Variants in ADAMTS3 observed in about 807,000 individuals in gnomAD.
The protein encoded by ADAMTS3 is ADAM metallopeptidase with thrombospondin type 1 motif 3.
A neutral mutation model predicts 129.0 loss-of-function variants in ADAMTS3; 73 were observed. The observed-to-expected ratio is 0.57, with a 90% CI of 0.47 to 0.69. The LOEUF (loss-of-function observed/expected upper bound fraction) is 0.69. Among genes scored for constraint, ADAMTS3 ranks in the 30% least tolerant of loss-of-function variants. ADAMTS3 has a pLI of 0.00. For synonymous variants in ADAMTS3, 477 were observed against 510.8 expected (o/e 0.93, Z 0.89); for missense variants, 1,457 against 1,514.5 (o/e 0.96, Z 0.63).
At chr4:72,521,431 G>C (rs560390319) in intron 3 of ADAMTS3, among the ~76,000 whole-genome samples, 1 of 152,196 alleles carries the variant, frequency 6.6e-6, no homozygotes, top group East Asian at 1.9e-4. Flanking sequence ...GGGATCTTTT[G>C]AAATCAGTTT....
intron 3 of ADAMTS3, among the ~76,000 whole-genome samples, chr4:72,495,840 T>C (rs2110018891): frequency 6.6e-6 from 1 of 152,306 alleles, no homozygotes; most frequent in South Asian, 2.1e-4. Flanking sequence ...AGAACCATAA[T>C]ACAAACCTAC....
chr4:72,401,492 G>C (rs909579951), intron 4 of ADAMTS3, among the ~76,000 whole-genome samples: 8 of 150,114 alleles, frequency 5.3e-5, no homozygotes, highest in East Asian at 2.0e-4. Flanking sequence ...ACTTGAACTG[G>C]GGGGGTGGAG....
chr4:72,553,090 G>A (rs1721683264), intron 2 of ADAMTS3, among the ~76,000 whole-genome samples: 1 of 35,428 alleles, frequency 2.8e-5, no homozygotes, highest in South Asian at 5.1e-4. Context: ...GAGTCGGAAG[G>A]GGTATGTGAA....
At chr4:72,394,794 C>A (rs775853118) in intron 4 of ADAMTS3, among the ~76,000 whole-genome samples, 14 of 152,142 alleles carry the variant, frequency 9.2e-5, no homozygotes, top group Non-Finnish European at 1.3e-4. Context: ...AAAAGTTATG[C>A]TTTTGAAATT....
chr4:72,539,491 G>A (rs950640497), intron 3 of ADAMTS3, among the ~76,000 whole-genome samples: 650 of 86,480 alleles, frequency 7.5e-3, no homozygotes, highest in East Asian at 0.014. Flanking sequence ...GCTACTATCA[G>A]AAAAAAAAAA....
chr4:72,342,236 A>G (rs1207177418), intron 4 of ADAMTS3, among the ~76,000 whole-genome samples: 3 of 152,152 alleles, frequency 2.0e-5, no homozygotes, highest in South Asian at 2.1e-4. Flanking sequence ...CCTTTGTAAA[A>G]CTAATGAAAG....
At chr4:72,381,114 T>C (rs1048541624) in intron 4 of ADAMTS3, among the ~76,000 whole-genome samples, 2 of 152,132 alleles carry the variant, frequency 1.3e-5, no homozygotes, top group East Asian at 1.9e-4. Flanking sequence ...ATTTTTAGTA[T>C]TTGTGACAAG....
intron 3 of ADAMTS3, among the ~76,000 whole-genome samples, chr4:72,502,913 G>A (rs565444063): frequency 1.3e-5 from 2 of 151,962 alleles, no homozygotes; most frequent in Admixed American, 1.3e-4. Flanking sequence ...TGTTCCCCTC[G>A]GTAAGTGTTT....
At chr4:72,491,560 T>A (rs1719745114) in intron 3 of ADAMTS3, among the ~76,000 whole-genome samples, 1 of 151,754 alleles carries the variant, frequency 6.6e-6, no homozygotes, top group Non-Finnish European at 1.5e-5. Context: ...AATGATGTTA[T>A]TTTTGTCTTT....
chr4:72,432,049 G>A (rs1722713082), intron 3 of ADAMTS3, among the ~76,000 whole-genome samples: 1 of 151,944 alleles, frequency 6.6e-6, no homozygotes, highest in Non-Finnish European at 1.5e-5. Context: ...TCCACCAGAT[G>A]TTCCAGTCAG....
intron 5 of ADAMTS3, among the ~76,000 whole-genome samples, chr4:72,337,513 C>T (rs1720021861): frequency 6.6e-6 from 1 of 152,158 alleles, no homozygotes; most frequent in Admixed American, 6.6e-5. Context: ...TAACTCCTAA[C>T]TTCTTGATGA....
chr4:72,346,842 A>G (rs1167121702), intron 4 of ADAMTS3, among the ~76,000 whole-genome samples: 1 of 152,008 alleles, frequency 6.6e-6, no homozygotes, highest in East Asian at 1.9e-4. Context: ...ACACGAACTT[A>G]CACCCTCTTC....
intron 3 of ADAMTS3, among the ~76,000 whole-genome samples, chr4:72,495,895 G>A (rs1719862544): frequency 6.6e-6 from 1 of 152,218 alleles, no homozygotes; most frequent in Non-Finnish European, 1.5e-5. Context: ...CACACTATTT[G>A]CTAACTCAAT....
intron 20 of ADAMTS3, 85 bp from the exon 21 acceptor site, chr4:72,288,953 CACACACACACACACAA>C: frequency 1.3e-6 from 1 of 764,782 alleles, no homozygotes; most frequent in Non-Finnish European, 2.3e-6. Context: ...CACACACACA[CACACACACACACACAA>C]AGACACAGAG....
At chr4:72,367,061 G>A (rs1201725262) in intron 4 of ADAMTS3, among the ~76,000 whole-genome samples, 3 of 151,972 alleles carry the variant, frequency 2.0e-5, no homozygotes, top group Admixed American at 1.3e-4. Flanking sequence ...AATGAAAAGG[G>A]CTGGTAGTTT....
intron 3 of ADAMTS3, among the ~76,000 whole-genome samples, chr4:72,489,174 A>T (rs1023088856): frequency 6.6e-6 from 1 of 151,966 alleles, no homozygotes; most frequent in Non-Finnish European, 1.5e-5. Flanking sequence ...ACATTGACAG[A>T]CATTTAGGTT....
intron 3 of ADAMTS3, among the ~76,000 whole-genome samples, chr4:72,438,148 T>G (rs1718014400): frequency 6.6e-6 from 1 of 151,642 alleles, no homozygotes; most frequent in African/African-American, 2.4e-5. Context: ...TATCCAGAGG[T>G]AATAGTAGGA....
At chr4:72,476,072 C>T (rs1413467532) in intron 3 of ADAMTS3, among the ~76,000 whole-genome samples, 1 of 151,632 alleles carries the variant, frequency 6.6e-6, no homozygotes, top group Non-Finnish European at 1.5e-5. Flanking sequence ...ACTATGAAAA[C>T]TAGAGCAAAG....
At chr4:72,554,604 G>A (rs1298392820) in intron 2 of ADAMTS3, among the ~76,000 whole-genome samples, 1 of 148,888 alleles carries the variant, frequency 6.7e-6, no homozygotes, top group African/African-American at 2.6e-5. Context: ...TTTTATACAT[G>A]TCTTATAACT....
Sources: allele counts gnomAD v4.1 joint callset (sites outside exome capture counted in the v4.1 genomes callset), GRCh38; gene constraint gnomAD v4.1.1; transcripts MANE v1.5; gene names NCBI Gene and HGNC (gene_info 2026-07-23, HGNC 2026-07-21).